Variants in GNAT3 observed in about 807,000 individuals in gnomAD.
GNAT3 encodes guanine nucleotide-binding protein G(t) subunit alpha-3.
In GNAT3, 31 loss-of-function variants were observed where a neutral mutation model predicts 37.7. The ratio of observed to expected loss-of-function variants is 0.82; its 90% CI spans 0.62 to 1.11. The LOEUF is 1.11. Among genes scored for constraint, GNAT3 ranks in the 50% most tolerant of loss-of-function variants. The pLI is 0.00. For synonymous variants in GNAT3, 138 were observed against 139.8 expected (o/e 0.99, Z 0.09); for missense variants, 437 against 412.5 (o/e 1.06, Z -0.51).
chr7:80,475,141 A>T (rs1004831037), intron 4 of GNAT3, among the ~76,000 whole-genome samples: 24 of 151,956 alleles, frequency 1.6e-4, no homozygotes, highest in African/African-American at 4.3e-4. Context: ...TCTTCCATCA[A>T]TGCATCACTG....
At chr7:80,471,940 G>A (rs976078826) in intron 5 of GNAT3, among the ~76,000 whole-genome samples, 1 of 151,884 alleles carries the variant, frequency 6.6e-6, no homozygotes, top group African/African-American at 2.4e-5. Flanking sequence ...AGAGTGTTTG[G>A]CATAGTGCAT....
chr7:80,471,002 G>A (rs985799916), intron 5 of GNAT3, among the ~76,000 whole-genome samples: 2 of 150,482 alleles, frequency 1.3e-5, no homozygotes, highest in Admixed American at 6.6e-5. Flanking sequence ...ATCTGGGTGG[G>A]CACAAGCTAA....
chr7:80,497,777 T>G (rs939782209), intron 1 of GNAT3, among the ~76,000 whole-genome samples: 1 of 151,784 alleles, frequency 6.6e-6, no homozygotes, highest in African/African-American at 2.4e-5. Flanking sequence ...GCAGGTATGT[T>G]TAATGTTGTA....
intron 2 of GNAT3, among the ~76,000 whole-genome samples, chr7:80,489,278 C>T (rs1212846231): frequency 6.6e-6 from 1 of 152,130 alleles, no homozygotes; most frequent in African/African-American, 2.4e-5. Context: ...CTCTACCTTC[C>T]ACTCATTCAG....
chr7:80,493,179 G>A (rs967021141), intron 2 of GNAT3, among the ~76,000 whole-genome samples: 3 of 151,358 alleles, frequency 2.0e-5, no homozygotes, highest in Non-Finnish European at 4.4e-5. Context: ...CTTTATTTAA[G>A]CTCATAGAGA....
At chr7:80,468,390 A>C (rs887587191) in intron 5 of GNAT3, among the ~76,000 whole-genome samples, 8 of 152,074 alleles carry the variant, frequency 5.3e-5, no homozygotes, top group Non-Finnish European at 1.2e-4. Context: ...TATTTGTTAG[A>C]TGTCTTTGCT....
chr7:80,494,623 G>T lies in GNAT3; in HGVS notation c.143C>A (p.Thr48Asn). ...LLGAGESGKS[T>N]IVKQMKIIHK... ...TACCTACTTCATTTGTTTAACAATA[G>T]TACTTTTCCCAGATTCTCCTGCTCC... The change falls in exon 2 of 8, where the codon ACT (threonine) becomes AAT (asparagine). Residue 48 changes from threonine to asparagine, a missense_variant. Coordinates refer to ENST00000398291, the MANE Select transcript of GNAT3 (RefSeq NM_001102386.3). 1 of 1,530,956 alleles carries T rather than the reference G, an allele frequency of 6.5e-7. No individual in the cohort carries two copies. Among genetic ancestry groups the T allele is most frequent in the Non-Finnish European group, 8.9e-7 (1 of 1,118,288 alleles). 94.8% of individuals were successfully genotyped at this position (1,530,956 alleles called of 1,614,324 possible).
intron 7 of GNAT3, among the ~76,000 whole-genome samples, chr7:80,459,752 C>A (rs1790017750): frequency 6.6e-6 from 1 of 152,106 alleles, no homozygotes; most frequent in African/African-American, 2.4e-5. Flanking sequence ...GTCTTTGTTT[C>A]CTACTTTATT....
At chr7:80,493,164 T>C (rs1222186723) in intron 2 of GNAT3, among the ~76,000 whole-genome samples, 1 of 152,150 alleles carries the variant, frequency 6.6e-6, no homozygotes. Context: ...TTGGTCTTTT[T>C]TTTTCTTTAT....
chr7:80,510,064 C>G (rs1272949227), intron 1 of GNAT3, among the ~76,000 whole-genome samples: 1 of 152,098 alleles, frequency 6.6e-6, no homozygotes, highest in Admixed American at 6.6e-5. Flanking sequence ...CAGTAGATCT[C>G]TTGAAATTTA....
At chr7:80,479,901 A>G (rs1477614248) in intron 3 of GNAT3, among the ~76,000 whole-genome samples, 1 of 152,078 alleles carries the variant, frequency 6.6e-6, no homozygotes, top group African/African-American at 2.4e-5. Flanking sequence ...TGTTGATTGC[A>G]TATGCCTTTG....
chr7:80,487,339 CAGAG>C (rs922972978), intron 3 of GNAT3, among the ~76,000 whole-genome samples: 2 of 152,056 alleles, frequency 1.3e-5, no homozygotes, highest in Non-Finnish European at 2.9e-5. Context: ...AAACTGTAGC[CAGAG>C]AGATAGATTG....
chr7:80,505,457 C>T (rs1790916764), intron 1 of GNAT3, among the ~76,000 whole-genome samples: 1 of 152,180 alleles, frequency 6.6e-6, no homozygotes. Context: ...AGCTCCGCCT[C>T]CCGGGTTCAC....
intron 2 of GNAT3, among the ~76,000 whole-genome samples, chr7:80,492,176 C>CAAAAA (rs71079120): frequency 2.9e-5 from 4 of 136,330 alleles, no homozygotes; most frequent in Non-Finnish European, 6.3e-5. Context: ...CTAAAAATAC[C>CAAAAA]AAAAAAAAAA....
chr7:80,485,155 C>T (rs1385711972), intron 3 of GNAT3, among the ~76,000 whole-genome samples: 1 of 136,782 alleles, frequency 7.3e-6, no homozygotes, highest in African/African-American at 2.7e-5. Context: ...AACAAATGAG[C>T]AGAAAATATT....
intron 2 of GNAT3, among the ~76,000 whole-genome samples, chr7:80,492,428 T>C (rs1180045375): frequency 2.0e-5 from 3 of 151,780 alleles, no homozygotes; most frequent in East Asian, 1.9e-4. Context: ...TTAGTAAACA[T>C]AGCATTTTCT....
chr7:80,498,628 TTG>T (rs748549206), intron 1 of GNAT3, among the ~76,000 whole-genome samples: 1 of 152,142 alleles, frequency 6.6e-6, no homozygotes, highest in Non-Finnish European at 1.5e-5. Flanking sequence ...CATTTCAGTC[TTG>T]TGAGATTAGA....
chr7:80,503,157 CAT>C (rs1167250986), intron 1 of GNAT3, among the ~76,000 whole-genome samples: 1 of 152,116 alleles, frequency 6.6e-6, no homozygotes, highest in African/African-American at 2.4e-5. Flanking sequence ...TATGCAATAA[CAT>C]ATAAATGACT....
intron 1 of GNAT3, among the ~76,000 whole-genome samples, chr7:80,502,434 C>A (rs1325935970): frequency 6.6e-6 from 1 of 152,018 alleles, no homozygotes; most frequent in East Asian, 1.9e-4. Context: ...ATTTTTCCCA[C>A]ACAGGTCTGT....
Sources: gnomAD v4.1 joint callset for allele counts (sites outside exome capture counted in the v4.1 genomes callset) on GRCh38, gnomAD v4.1.1 for gene constraint, MANE v1.5 for transcripts, NCBI Gene and HGNC (gene_info 2026-07-23, HGNC 2026-07-21) for gene names.